Variants in RAB3GAP1 observed in about 807,000 individuals in gnomAD.
The protein encoded by RAB3GAP1 is RAB3 GTPase activating protein catalytic subunit 1.
RAB3GAP1 carries 86 observed loss-of-function variants against 130.7 expected under a neutral mutation model. That is an observed-to-expected ratio of 0.66 (90% CI 0.55 to 0.79). The LOEUF (loss-of-function observed/expected upper bound fraction) is 0.79, where lower values mean the gene tolerates loss of function less well. Among genes scored for constraint, RAB3GAP1 ranks in the 30% least tolerant of loss-of-function variants. The pLI, the probability that RAB3GAP1 is intolerant of heterozygous loss-of-function variation, is 0.00. For synonymous variants in RAB3GAP1, 367 were observed against 401.7 expected (o/e 0.91, Z 1.03); for missense variants, 1,029 against 1,169.4 (o/e 0.88, Z 1.75).
At chr2:135,117,808 CTTT>C (rs1691073788) in intron 7 of RAB3GAP1, among the ~76,000 whole-genome samples, 1 of 123,192 alleles carries the variant, frequency 8.1e-6, no homozygotes, top group Non-Finnish European at 1.7e-5. Context: ...TCTTCTTCTT[CTTT>C]CTTCTTCTTT....
chr2:135,090,077 AAAGTAT>A (rs1330934256), intron 3 of RAB3GAP1, among the ~76,000 whole-genome samples: 12 of 152,202 alleles, frequency 7.9e-5, no homozygotes, highest in African/African-American at 2.9e-4. Flanking sequence ...CCCAGAACTT[AAAGTAT>A]AATAAAAAGA....
At chr2:135,149,821 TTTTG>T (rs1222301760) in intron 17 of RAB3GAP1, among the ~76,000 whole-genome samples, 1 of 151,964 alleles carries the variant, frequency 6.6e-6, no homozygotes, top group Non-Finnish European at 1.5e-5. Flanking sequence ...GCCTGGCTAA[TTTTG>T]TTTTTGTATT....
At chr2:135,105,021 T>G (rs1690553375) in intron 5 of RAB3GAP1, among the ~76,000 whole-genome samples, 2 of 152,252 alleles carry the variant, frequency 1.3e-5, no homozygotes. Context: ...TTTGAAAGAT[T>G]AACAGAAATT....
chr2:135,144,602 C>T (rs7603226), intron 17 of RAB3GAP1, among the ~76,000 whole-genome samples: 2 of 152,248 alleles, frequency 1.3e-5, no homozygotes, highest in Non-Finnish European at 1.5e-5. Flanking sequence ...TTCAGGCTTT[C>T]AACTATCTTT....
intron 2 of RAB3GAP1, among the ~76,000 whole-genome samples, chr2:135,053,327 GTTACA>G (rs1558753794): frequency 1.3e-5 from 2 of 152,234 alleles, no homozygotes; most frequent in African/African-American, 4.8e-5. Flanking sequence ...GATTTAAGTT[GTTACA>G]TTAAAGTGGG....
intron 3 of RAB3GAP1, among the ~76,000 whole-genome samples, chr2:135,068,029 T>C (rs1385981737): frequency 1.3e-5 from 2 of 152,202 alleles, no homozygotes; most frequent in Non-Finnish European, 2.9e-5. Context: ...TGTGATCCAC[T>C]GAGCCTGGCC....
intron 17 of RAB3GAP1, among the ~76,000 whole-genome samples, chr2:135,139,545 A>AT (rs1233588077): frequency 6.6e-6 from 1 of 151,670 alleles, no homozygotes; most frequent in Non-Finnish European, 1.5e-5. Flanking sequence ...TGTCTCAAAA[A>AT]TTAAAAAAAA....
At chr2:135,141,585 T>C (rs1229125218) in intron 17 of RAB3GAP1, among the ~76,000 whole-genome samples, 1 of 152,198 alleles carries the variant, frequency 6.6e-6, no homozygotes, top group Non-Finnish European at 1.5e-5. Context: ...TACAGTCTCA[T>C]CTATCCTTGT....
At chr2:135,082,161 G>GAATGAATAAATA (rs138937070) in intron 3 of RAB3GAP1, among the ~76,000 whole-genome samples, 1 of 150,250 alleles carries the variant, frequency 6.7e-6, no homozygotes, top group African/African-American at 2.5e-5. Flanking sequence ...ATGAATGAAT[G>GAATGAATAAATA]AATAAATAAA....
chr2:135,155,448 AAGAC>A lies in RAB3GAP1; in HGVS notation c.2289+1576_2289+1579del, dbSNP rs1475153104. ...CTTTAAGGAGAAAAATCAGAATACT[AAGAC>A]AGAACTAATACAGTCCCTATGGCTT... is the stretch of plus-strand genomic sequence containing the variant. On this transcript the variant is annotated intron_variant, in intron 19 of 23. Transcript: ENST00000264158. 3.3e-5 allele frequency among the ~76,000 whole-genome samples: 5 copies of A among 152,136 alleles called. No individual in the cohort carries two copies. The East Asian group carries it at 9.6e-4, about 29-fold the overall frequency.
chr2:135,143,128 T>TA (rs1691892866), intron 17 of RAB3GAP1, among the ~76,000 whole-genome samples: 1 of 152,160 alleles, frequency 6.6e-6, no homozygotes, highest in South Asian at 2.1e-4. Flanking sequence ...CTTTAATAGA[T>TA]AAAAAACTAT....
chr2:135,076,511 T>C (rs1311699337), intron 3 of RAB3GAP1, among the ~76,000 whole-genome samples: 1 of 152,242 alleles, frequency 6.6e-6, no homozygotes, highest in Non-Finnish European at 1.5e-5. Flanking sequence ...ATGTTAGATA[T>C]GCTGACCAAT....
intron 14 of RAB3GAP1, among the ~76,000 whole-genome samples, chr2:135,133,543 C>T (rs1220088437): frequency 6.6e-6 from 1 of 152,042 alleles, no homozygotes; most frequent in African/African-American, 2.4e-5. Context: ...CAGACGTGCT[C>T]ATTTTTGTAA....
At chr2:135,080,111 C>T (rs1429183709) in intron 3 of RAB3GAP1, among the ~76,000 whole-genome samples, 39 of 116,000 alleles carry the variant, frequency 3.4e-4, no homozygotes, top group African/African-American at 1.4e-3. Context: ...AACGAGACTC[C>T]GTCTCAAAAA....
chr2:135,169,948 G>A lies in RAB3GAP1; in HGVS notation c.*1167G>A. The A allele has an allele frequency of 1.4e-5, 4 of 281,884 alleles. No homozygotes were observed. Among genetic ancestry groups the A allele is most frequent in the Non-Finnish European group, 2.8e-5 (4 of 142,374 alleles). The allele number at this position is 281,884 out of a possible 1,614,324, so 17.5% of individuals were successfully genotyped here. A position where few individuals can be genotyped will look rare whatever the true frequency, so the allele number is the denominator to read the frequency against. On this transcript the variant is annotated 3_prime_UTR_variant, in exon 24 of 24. Coordinates refer to ENST00000264158, the MANE Select transcript of RAB3GAP1 (RefSeq NM_012233.3). Reference sequence around the variant, plus strand: ...CCTGTGTAATTTTAAAAAATTAATAGAGCTGTGCAAACCCTGTTATTTTTG... The same window carrying A: ...CCTGTGTAATTTTAAAAAATTAATAAAGCTGTGCAAACCCTGTTATTTTTG...
intron 3 of RAB3GAP1, among the ~76,000 whole-genome samples, chr2:135,068,920 C>G (rs1038670756): frequency 1.3e-5 from 2 of 152,090 alleles, no homozygotes; most frequent in African/African-American, 2.4e-5. Flanking sequence ...TACCACTTGG[C>G]TGGGTAGGGA....
chr2:135,122,531 A>G (rs564004251), intron 8 of RAB3GAP1, among the ~76,000 whole-genome samples: 4 of 152,320 alleles, frequency 2.6e-5, no homozygotes, highest in Non-Finnish European at 5.9e-5. Context: ...TCAGGTTTTT[A>G]AAATGGGGAT....
intron 7 of RAB3GAP1, among the ~76,000 whole-genome samples, chr2:135,119,204 G>A (rs1691122096): frequency 6.6e-6 from 1 of 151,690 alleles, no homozygotes; most frequent in African/African-American, 2.4e-5. Context: ...TGCCTCCCGG[G>A]ATCAAGCGAT....
At chr2:135,126,513 A>G in intron 10 of RAB3GAP1, 70 bp from the exon 11 acceptor site, 6 of 1,395,490 alleles carry the variant, frequency 4.3e-6, no homozygotes, top group Non-Finnish European at 6.1e-6. Context: ...ATTAGACTGC[A>G]TTTTAATAAG....
Sources: gnomAD v4.1 joint callset for allele counts (sites outside exome capture counted in the v4.1 genomes callset) on GRCh38, gnomAD v4.1.1 for gene constraint, MANE v1.5 for transcripts, NCBI Gene and HGNC (gene_info 2026-07-23, HGNC 2026-07-21) for gene names.